Variants in TMTC2 observed in about 807,000 individuals in gnomAD.
TMTC2 encodes the protein protein O-mannosyl-transferase TMTC2.
TMTC2 carries 43 observed loss-of-function variants against 82.4 expected under a neutral mutation model. That is an observed-to-expected ratio of 0.52 (90% CI 0.41 to 0.67). The LOEUF is 0.67. Among genes scored for constraint, TMTC2 ranks in the 30% least tolerant of loss-of-function variants. The pLI, the probability that TMTC2 is intolerant of heterozygous loss-of-function variation, is 0.00. For synonymous variants in TMTC2, 408 were observed against 381.9 expected, an observed-to-expected ratio of 1.07 and a Z score of -0.80; for missense variants, 919 against 1,012.4, an observed-to-expected ratio of 0.91 and a Z score of 1.25.
At chr12:83,022,395 T>A (rs1169078640) in intron 8 of TMTC2, among the ~76,000 whole-genome samples, 1 of 107,772 alleles carries the variant, frequency 9.3e-6, no homozygotes, top group Non-Finnish European at 1.8e-5. Flanking sequence ...TGTGCATTGC[T>A]CTCTTCCGCA....
chr12:83,053,388 A>G (rs1052857085), intron 10 of TMTC2, among the ~76,000 whole-genome samples: 3 of 152,208 alleles, frequency 2.0e-5, no homozygotes, highest in East Asian at 1.9e-4. Flanking sequence ...TTTACCCACT[A>G]TCCCAAATCA....
intron 2 of TMTC2, 111 bp downstream of exon 2, chr12:82,857,691 A>G: frequency 9.5e-7 from 1 of 1,048,040 alleles, no homozygotes; most frequent in Non-Finnish European, 1.3e-6. Flanking sequence ...ATTTAAAATA[A>G]GTTCCTTTTT....
intron 8 of TMTC2, among the ~76,000 whole-genome samples, chr12:83,023,673 G>A (rs1384061313): frequency 6.6e-6 from 1 of 152,202 alleles, no homozygotes; most frequent in African/African-American, 2.4e-5. Flanking sequence ...GTCCAGCCTT[G>A]TCCTGGGCAT....
intron 4 of TMTC2, among the ~76,000 whole-genome samples, chr12:82,944,867 G>T (rs1375382397): frequency 1.3e-5 from 2 of 152,108 alleles, no homozygotes; most frequent in East Asian, 3.9e-4. Context: ...AAACTACAGG[G>T]TATCATTCAG....
chr12:82,953,400 G>T (rs1011627055), intron 4 of TMTC2, among the ~76,000 whole-genome samples: 3 of 152,260 alleles, frequency 2.0e-5, no homozygotes, highest in Non-Finnish European at 2.9e-5. Context: ...AATTTAAAAA[G>T]GATTTTGAAT....
At chr12:82,876,069 A>ATTAGTATTCATAATGGTGGTGGTGGTGG (rs1872517512) in intron 2 of TMTC2, among the ~76,000 whole-genome samples, 1 of 102,208 alleles carries the variant, frequency 9.8e-6, no homozygotes, top group African/African-American at 5.5e-5. Context: ...GGTGGTGGTG[A>ATTAGTATTCATAATGGTGGTGGTGGTGG]TGATGATGAT....
intron 9 of TMTC2, among the ~76,000 whole-genome samples, chr12:83,033,828 GTGTGTA>G (rs1565862404): frequency 2.7e-5 from 4 of 146,576 alleles, no homozygotes; most frequent in Non-Finnish European, 3.0e-5. Flanking sequence ...GTGTGTGTGT[GTGTGTA>G]TATATATGTA....
intron 1 of TMTC2, among the ~76,000 whole-genome samples, chr12:82,788,884 G>A (rs996640616): frequency 2.0e-5 from 3 of 152,084 alleles, no homozygotes; most frequent in Non-Finnish European, 4.4e-5. Flanking sequence ...AGGAAAGCCT[G>A]GCCTGGAGGA....
At chr12:82,909,794 G>A (rs1454225055) in intron 3 of TMTC2, among the ~76,000 whole-genome samples, 1 of 152,138 alleles carries the variant, frequency 6.6e-6, no homozygotes, top group Non-Finnish European at 1.5e-5. Context: ...CAGAAAATGA[G>A]ACCTATGAAA....
chr12:83,006,751 T>C (rs7139270), intron 8 of TMTC2, among the ~76,000 whole-genome samples: 135,143 of 152,190 alleles, frequency 0.89, 60,053 homozygotes, highest in South Asian at 0.96. Context: ...GGCACATATA[T>C]ACCATGGAAT....
At chr12:82,763,373 G>A (rs575434396) in intron 1 of TMTC2, among the ~76,000 whole-genome samples, 2 of 152,152 alleles carry the variant, frequency 1.3e-5, no homozygotes, top group Non-Finnish European at 1.5e-5. Context: ...AGGTCACTTA[G>A]GGGAATTATT....
At chr12:82,970,862 T>C (rs1878419949) in intron 7 of TMTC2, among the ~76,000 whole-genome samples, 1 of 152,220 alleles carries the variant, frequency 6.6e-6, no homozygotes, top group Non-Finnish European at 1.5e-5. Context: ...AAAATCCTTC[T>C]CTTACCATTA....
intron 1 of TMTC2, among the ~76,000 whole-genome samples, chr12:82,778,022 C>T (rs1225503756): frequency 6.6e-6 from 1 of 151,838 alleles, no homozygotes; most frequent in Non-Finnish European, 1.5e-5. Context: ...ATTTTTTCAC[C>T]CAGATACAAG....
chr12:82,707,189 AG>A (rs1873401322), intron 1 of TMTC2, among the ~76,000 whole-genome samples: 1 of 152,192 alleles, frequency 6.6e-6, no homozygotes, highest in Non-Finnish European at 1.5e-5. Context: ...GTGCCTGTAG[AG>A]GCCCCACTTC....
chr12:82,745,958 G>A (rs1019932209), intron 1 of TMTC2, among the ~76,000 whole-genome samples: 2 of 152,130 alleles, frequency 1.3e-5, no homozygotes, highest in East Asian at 1.9e-4. Context: ...TGCTTTTTAC[G>A]TGGGCAGTTT....
intron 3 of TMTC2, among the ~76,000 whole-genome samples, chr12:82,906,399 T>G: frequency 6.6e-6 from 1 of 152,164 alleles, no homozygotes; most frequent in East Asian, 1.9e-4. Flanking sequence ...ACACGGTGGC[T>G]CAAGTCTGTA....
intron 4 of TMTC2, among the ~76,000 whole-genome samples, chr12:82,954,344 C>CA (rs1877505398): frequency 6.6e-6 from 1 of 152,028 alleles, no homozygotes; most frequent in South Asian, 2.1e-4. Flanking sequence ...CATGGGTTCC[C>CA]AAAACACCTT....
Position 83,050,786 on chromosome 12 carries a change from T to C in TMTC2, c.2153-118T>C. The stretch of plus-strand genomic sequence containing the variant: ...ATAAATAATCTCTAAATAATGAGTA[T>C]GTTATTAAATCTTAGCTTCAAATCA... On this transcript the variant is annotated intron_variant, in intron 9 of 11. Coordinates refer to ENST00000321196, the MANE Select transcript of TMTC2 (RefSeq NM_152588.3). 3 of 572,902 alleles carry C rather than the reference T, an allele frequency of 5.2e-6. No homozygotes were observed. The East Asian group carries it at 8.9e-5, about 17-fold the overall frequency. 35.5% of individuals were successfully genotyped at this position (572,902 alleles called of 1,614,324 possible).
chr12:82,889,430 T>C (rs1873281673), intron 2 of TMTC2, among the ~76,000 whole-genome samples: 5 of 152,122 alleles, frequency 3.3e-5, no homozygotes, highest in Admixed American at 3.3e-4. Context: ...AAATAAGCTT[T>C]TCGAATAAAG....
Sources: allele counts gnomAD v4.1 joint callset (sites outside exome capture counted in the v4.1 genomes callset), GRCh38; gene constraint gnomAD v4.1.1; transcripts MANE v1.5; gene names NCBI Gene and HGNC (gene_info 2026-07-23, HGNC 2026-07-21).